TMEM184C: variants seen among roughly 807,000 people sequenced by gnomAD.
The protein encoded by TMEM184C is transmembrane protein 184C.
In TMEM184C, 25 loss-of-function variants were observed where a neutral mutation model predicts 54.5. That is an observed-to-expected ratio of 0.46 (90% CI 0.33 to 0.64). TMEM184C has a LOEUF of 0.64. Among genes scored for constraint, TMEM184C ranks in the 30% least tolerant of loss-of-function variants. The pLI, the probability that TMEM184C is intolerant of heterozygous loss-of-function variation, is 0.02. For synonymous variants in TMEM184C, 148 were observed against 181.5 expected, an observed-to-expected ratio of 0.82 and a Z score of 1.49; for missense variants, 335 against 520.3, an observed-to-expected ratio of 0.64 and a Z score of 3.46.
chr4:147,633,953 T>TA lies in TMEM184C; in HGVS notation c.1051+19dup. The TA allele has an allele frequency of 6.2e-7, 1 of 1,602,510 alleles. No homozygotes were observed. The highest frequency in any genetic ancestry group is 8.5e-7 in the Non-Finnish European group (1 of 1,174,742). On this transcript the variant is annotated intron_variant, in intron 9 of 9. Transcript: ENST00000296582. ...GGCATGTTGGTAAGTACCAGCTATT[T>TA]AATTCAACCAAATAGGTTGGGTAGG...
Position 147,634,421 on chromosome 4 carries a change from C to G in TMEM184C, c.1304C>G (p.Ser435Cys). 1 of 1,613,880 alleles carries G rather than the reference C, an allele frequency of 6.2e-7. No individual in the cohort carries two copies. Among genetic ancestry groups the G allele is most frequent in the Non-Finnish European group, 8.5e-7 (1 of 1,179,950 alleles). ...GAGAAAAAAGAACCTTCAGATAAAT[C>G]CGTGGATTCCTGAACAGTATGGAAA... is the stretch of plus-strand genomic sequence containing the variant. ...IGEKKEPSDK[S>C]VDS The change falls in exon 10 of 10, where the codon TCC becomes TGC. Residue 435 changes from serine (S) to cysteine (C), a missense_variant. Ser to Cys is a moderately radical substitution (Grantham distance 112). Transcript: ENST00000296582.
chr4:147,621,299 C>T (rs528782241), intron 1 of TMEM184C, among the ~76,000 whole-genome samples: 1 of 152,182 alleles, frequency 6.6e-6, no homozygotes, highest in South Asian at 2.1e-4. Context: ...AAGCATTTTG[C>T]TGAGGGAGAG....
At chr4:147,632,029 C>T (rs966756931) in intron 7 of TMEM184C, among the ~76,000 whole-genome samples, 2 of 151,982 alleles carry the variant, frequency 1.3e-5, no homozygotes, top group Non-Finnish European at 2.9e-5. Context: ...CAAAAATCAG[C>T]CAGGCATGGT....
intron 1 of TMEM184C, 105 bp from the exon 2 acceptor site, chr4:147,623,729 C>G: frequency 9.2e-7 from 1 of 1,088,186 alleles, no homozygotes; most frequent in South Asian, 1.4e-5. Flanking sequence ...CCTCCCACCT[C>G]GGCCTCCCCA....
At position 147,634,212 on chromosome 4, in the gene TMEM184C, G is replaced by A. The variant is rs1438208634; in HGVS notation, c.1095G>A (p.Glu365=). The A allele has an allele frequency of 6.2e-7, 1 of 1,614,038 alleles. No individual in the cohort carries two copies. The highest frequency in any genetic ancestry group is 2.2e-5 in the East Asian group (1 of 44,870). ...RGHPRKKLFP[E]DQDQNEHTSL... The stretch of plus-strand genomic sequence containing the variant: ...ATCCCAGGAAAAAATTGTTTCCCGA[G>A]GATCAAGATCAAAATGAACATACAA... The change falls in exon 10 of 10, where the codon GAG becomes GAA. Residue 365 remains glutamate (E), a synonymous_variant. Transcript: ENST00000296582.
At chr4:147,623,779 A>G (rs1421261208) in intron 1 of TMEM184C, 55 bp from the exon 2 acceptor site, 1 of 1,575,674 alleles carries the variant, frequency 6.3e-7, no homozygotes, top group Non-Finnish European at 8.7e-7. Flanking sequence ...AGCCTGGCCA[A>G]GCTCTTTTGT....
At chr4:147,629,522 A>AT in intron 5 of TMEM184C, 77 bp from the exon 6 acceptor site, 2 of 1,072,830 alleles carry the variant, frequency 1.9e-6, no homozygotes, top group Non-Finnish European at 1.4e-6. Context: ...TGACTTCTAA[A>AT]TTTAAGTATT....
At chr4:147,632,172 C>CAAAAAAAA (rs537342410) in intron 7 of TMEM184C, among the ~76,000 whole-genome samples, 1 of 123,182 alleles carries the variant, frequency 8.1e-6, no homozygotes. Flanking sequence ...AACTCTGTCT[C>CAAAAAAAA]AAAAAAAAAA....
chr4:147,625,247 C>T (rs946648134), intron 4 of TMEM184C, among the ~76,000 whole-genome samples: 14 of 152,096 alleles, frequency 9.2e-5, no homozygotes, highest in African/African-American at 3.4e-4. Context: ...TAAAGTATTG[C>T]AGGTAAAAAC....
chr4:147,634,745 C>T lies in TMEM184C; in HGVS notation c.*311C>T, dbSNP rs772354639. The T allele has an allele frequency of 1.8e-5, 4 of 221,652 alleles. No individual in the cohort carries two copies. The highest frequency in any genetic ancestry group is 3.5e-5 in the Non-Finnish European group (4 of 113,262). 13.7% of individuals were successfully genotyped at this position (221,652 alleles called of 1,614,324 possible). On this transcript the variant is annotated 3_prime_UTR_variant, in exon 10 of 10. Transcript: ENST00000296582. ...AGGATGGACTTTTTTTTTTTTGAGA[C>T]AGACAGAGTCTTGCTCTGTCACCCA...
intron 1 of TMEM184C, among the ~76,000 whole-genome samples, chr4:147,622,026 C>A (rs1455976603): frequency 6.6e-6 from 1 of 150,574 alleles, no homozygotes; most frequent in Non-Finnish European, 1.5e-5. Flanking sequence ...GCTCTGTCAC[C>A]CAGGCTGGAG....
chr4:147,631,306 T>C, intron 6 of TMEM184C, 87 bp from the exon 7 acceptor site: 1 of 985,486 alleles, frequency 1.0e-6, no homozygotes, highest in Non-Finnish European at 1.5e-6. Flanking sequence ...GAAACATTAC[T>C]CTGTACCAGG....
Position 147,627,737 on chromosome 4 carries a change from T to C in TMEM184C, c.498-624T>C, listed in dbSNP as rs569629212. On this transcript the variant is annotated intron_variant, in intron 4 of 9. Transcript: ENST00000296582. ...CAACATAGTGAGACTCCCATGTCTA[T>C]AGAAAATAAATTAGCCAGGTGTGGT... Among the ~76,000 whole-genome samples, 221 of 128,226 alleles carry C rather than the reference T, an allele frequency of 1.7e-3. 4 individuals are homozygous for C. The highest frequency in any genetic ancestry group is 5.4e-3 in the African/African-American group (178 of 32,828). The allele number at this position is 128,226 out of a possible 152,430, so 84.1% of individuals were successfully genotyped here.
Position 147,628,336 on chromosome 4 carries a change from ATTCTAAG to A in TMEM184C, c.498-20_498-14del, listed in dbSNP as rs1732851279. ...GATGCTATTTAAATGAGTAGTTGAA[ATTCTAAG>A]TTCTTTTTCTTTTGCAGAGTATTGC... On this transcript the variant is annotated intron_variant, in intron 4 of 9. Coordinates refer to ENST00000296582, the MANE Select transcript of TMEM184C (RefSeq NM_018241.3). 1.3e-6 allele frequency: 2 copies of A among 1,586,778 alleles called. No homozygotes were observed. The highest frequency in any genetic ancestry group is 2.7e-5 in the African/African-American group (2 of 73,348).
chr4:147,622,190 TC>T (rs1189327765), intron 1 of TMEM184C, among the ~76,000 whole-genome samples: 3 of 151,948 alleles, frequency 2.0e-5, no homozygotes, highest in South Asian at 2.1e-4. Context: ...CCATCTGCCC[TC>T]CTCAGCCTCA....
In TMEM184C at chr4:147,635,387, G is replaced by T. The variant is rs1733002783; in HGVS notation, c.*953G>T. 1 of 152,140 alleles carries T rather than the reference G, an allele frequency of 6.6e-6. No individual in the cohort carries two copies. The highest frequency in any genetic ancestry group is 6.5e-5 in the Admixed American group (1 of 15,270). The allele number at this position is 152,140 out of a possible 1,614,324, so 9.4% of individuals were successfully genotyped here. On this transcript the variant is annotated 3_prime_UTR_variant, in exon 10 of 10. Transcript: ENST00000296582. ...AGCAAATGTAAATCTTGGCTGAATG[G>T]TCTTAATTACTCATTAAACCACAGT...
rs1732853234 is a variant in TMEM184C at position 147,628,455 on chromosome 4, A to G, written c.572+20A>G. On this transcript the variant is annotated intron_variant, in intron 5 of 9. Transcript: ENST00000296582. ...TGCTTTGTAAGTACTCGGATTTTAT[A>G]TGAACTTTTTTTTTCATCCTTGTGA... 5 of 1,606,074 alleles carry G rather than the reference A, an allele frequency of 3.1e-6. No homozygotes were observed. Among genetic ancestry groups the G allele is most frequent in the Admixed American group, 3.4e-5 (2 of 59,308 alleles).
At chr4:147,631,951 A>C (rs1414682080) in intron 7 of TMEM184C, among the ~76,000 whole-genome samples, 1 of 152,152 alleles carries the variant, frequency 6.6e-6, no homozygotes, top group Non-Finnish European at 1.5e-5. Context: ...AGGCCAAGAC[A>C]GGTGGATCAC....
Position 147,624,824 on chromosome 4 carries a change from C to T in TMEM184C, c.312C>T (p.Pro104=), listed in dbSNP as rs377227951. The change falls in exon 4 of 10, where the codon CCC becomes CCT. Residue 104 remains proline (P), a synonymous_variant. Transcript: ENST00000296582. ...SLDSWIALKY[P]GIAIYVDTCR... ...CATAGTGGATAGCTTTGAAATATCC[C>T]GGAATTGCAATATATGTGGATACCT... 2.6e-5 allele frequency: 42 copies of T among 1,613,414 alleles called. No homozygotes were observed. Among genetic ancestry groups the T allele is most frequent in the African/African-American group, 8.0e-5 (6 of 74,864 alleles).
Sources: allele counts gnomAD v4.1 joint callset (sites outside exome capture counted in the v4.1 genomes callset), GRCh38; gene constraint gnomAD v4.1.1; transcripts MANE v1.5; gene names NCBI Gene and HGNC (gene_info 2026-07-23, HGNC 2026-07-21).